The following MEGF6 variants were observed in gnomAD, a reference collection of about 807,000 sequenced individuals.
MEGF6 encodes multiple EGF like domains 6.
A neutral mutation model predicts 207.1 loss-of-function variants in MEGF6; 184 were observed. The observed-to-expected ratio is 0.89, with a 90% CI of 0.79 to 1.00. The LOEUF (loss-of-function observed/expected upper bound fraction) is 1.00. MEGF6 is among the 50% of genes least tolerant of loss of function. The pLI, the probability that MEGF6 is intolerant of heterozygous loss-of-function variation, is 0.00. For missense variants in MEGF6, 2,282 were observed against 2,202.9 expected (o/e 1.04, Z -0.72); for synonymous variants, 1,038 against 910.0 (o/e 1.14, Z -2.53).
intron 5 of MEGF6, among the ~76,000 whole-genome samples, chr1:3,519,704 C>T (rs1041021922): frequency 2.0e-5 from 3 of 152,368 alleles, no homozygotes; most frequent in East Asian, 1.9e-4. Context: ...GGCAGCAAGG[C>T]GGCCAGCCCT....
intron 13 of MEGF6, among the ~76,000 whole-genome samples, chr1:3,508,186 G>A (rs373972231): frequency 6.6e-6 from 1 of 152,136 alleles, no homozygotes; most frequent in Non-Finnish European, 1.5e-5. Context: ...CAGTTATGAC[G>A]GGTCCCTGGC....
intron 7 of MEGF6, among the ~76,000 whole-genome samples, chr1:3,512,917 A>C (rs934036521): frequency 5.9e-5 from 9 of 152,150 alleles, no homozygotes; most frequent in Admixed American, 3.3e-4. Context: ...ACCCCTCCCC[A>C]AGGCTGCTTG....
intron 4 of MEGF6, among the ~76,000 whole-genome samples, chr1:3,548,761 G>A (rs547702764): frequency 3.8e-3 from 581 of 152,290 alleles, no homozygotes; most frequent in Non-Finnish European, 5.7e-3. Flanking sequence ...CTGGAACACA[G>A]CTGGCCATGT....
rs189174963 is a variant in MEGF6 at position 3,488,253 on chromosome 1, C to T, written c.*2275G>A. ...TTTATTTTCCTCTGCTCCTGACCGC[C>T]GTTGGATAGCTGAGATTTCCTCCGG... On this transcript the variant is annotated 3_prime_UTR_variant, in exon 37 of 37. Coordinates refer to ENST00000356575, the MANE Select transcript of MEGF6 (RefSeq NM_001409.4). 1.2e-3 allele frequency among the ~76,000 whole-genome samples: 186 copies of T among 152,300 alleles called. 1 individual carries two copies. The highest frequency in any genetic ancestry group is 3.4e-3 in the Middle Eastern group (1 of 294).
chr1:3,509,334 A>AC, intron 11 of MEGF6, 89 bp from the exon 12 acceptor site: 3 of 1,143,872 alleles, frequency 2.6e-6, no homozygotes, highest in South Asian at 2.0e-5. Context: ...CCTAAGCCCC[A>AC]CCCCAGGGAA....
At chr1:3,501,333 C>A in intron 18 of MEGF6, 25 bp from the exon 19 acceptor site, 1 of 1,580,970 alleles carries the variant, frequency 6.3e-7, no homozygotes, top group South Asian at 1.1e-5. Flanking sequence ...CATGGCCAGT[C>A]AGTGCCCAAG....
intron 20 of MEGF6, 46 bp from the exon 21 acceptor site, chr1:3,500,810 C>T (rs1640827352): frequency 6.3e-7 from 1 of 1,595,536 alleles, no homozygotes; most frequent in Non-Finnish European, 8.5e-7. Context: ...AAGCGCGGGC[C>T]ACGGGCACCA....
intron 4 of MEGF6, among the ~76,000 whole-genome samples, chr1:3,561,319 C>T (rs1404854936): frequency 6.6e-6 from 1 of 152,188 alleles, no homozygotes; most frequent in Non-Finnish European, 1.5e-5. Flanking sequence ...TGGAGAGGGA[C>T]TCAGGCATCT....
chr1:3,620,491 ACT>A, the MEGF6 span, among the ~76,000 whole-genome samples: 1 of 152,080 alleles, frequency 6.6e-6, no homozygotes, highest in Admixed American at 6.5e-5. Flanking sequence ...ACTTCGGGAG[ACT>A]CTGCCTAGAT....
chr1:3,500,610 C>T, intron 21 of MEGF6, 23 bp downstream of exon 21: 19 of 1,541,466 alleles, frequency 1.2e-5, no homozygotes, highest in Non-Finnish European at 1.6e-5. Flanking sequence ...AGGGTGGCAG[C>T]CAAAGGCAGG....
rs531055479 is a variant in MEGF6, at chr1:3,565,843, G to C, written c.481+13982C>G. ...CTGCTCCAGCCACGCTCGGCATTCCGTCCAGGGCAGGCACTGTGGACCCTG... is the reference window on the plus strand; with the variant it reads ...CTGCTCCAGCCACGCTCGGCATTCCCTCCAGGGCAGGCACTGTGGACCCTG... On this transcript the variant is annotated intron_variant, in intron 4 of 36. Coordinates refer to ENST00000356575, the MANE Select transcript of MEGF6 (RefSeq NM_001409.4). The surrounding 1 kb of genome is among the most constrained non-coding windows in gnomAD (Gnocchi z 4.8). Among the ~76,000 whole-genome samples, 1 of 152,146 alleles carries C rather than the reference G, an allele frequency of 6.6e-6. No individual in the cohort carries two copies. Among genetic ancestry groups the C allele is most frequent in the Non-Finnish European group, 1.5e-5 (1 of 68,012 alleles).
chr1:3,542,615 G>C (rs911932311), intron 4 of MEGF6, among the ~76,000 whole-genome samples: 1 of 152,234 alleles, frequency 6.6e-6, no homozygotes, highest in East Asian at 1.9e-4. Context: ...CTCTCTGTCC[G>C]GGGTTTCTCT....
rs1640708009 is a variant in MEGF6, at chr1:3,498,471, G to A, written c.3252C>T (p.Gly1084=). 2 of 1,583,388 alleles carry A rather than the reference G, an allele frequency of 1.3e-6. No individual in the cohort carries two copies. Among genetic ancestry groups the A allele is most frequent in the South Asian group, 1.1e-5 (1 of 87,982 alleles). ...TGAGGCAACCGCCGCTGTGCCGGCA[G>A]CCAGCTCTGACGTCCCGGGGGAGGC... is the stretch of plus-strand genomic sequence containing the variant. ...KECLPRDVRA[G]CRHSGGCLNG... Residue 1084 remains glycine, a synonymous_variant, in exon 26 of 37, where the codon GGC becomes GGT. Transcript: ENST00000356575.
chr1:3,511,446 A>C, intron 9 of MEGF6, 104 bp downstream of exon 9: 1 of 1,353,754 alleles, frequency 7.4e-7, no homozygotes, highest in South Asian at 1.5e-5. Context: ...ACTCAGGGAG[A>C]CTGACGAGGA....
At chr1:3,501,601 C>G (rs1640870061) in intron 18 of MEGF6, among the ~76,000 whole-genome samples, 195 bp downstream of exon 18, 1 of 152,100 alleles carries the variant, frequency 6.6e-6, no homozygotes, top group African/African-American at 2.4e-5. Flanking sequence ...GAGAGGGCAG[C>G]CTGGAAGCCC....
chr1:3,493,678 C>T lies in MEGF6; in HGVS notation c.4387+93G>A, dbSNP rs1220617706. 7 of 1,520,482 alleles carry T rather than the reference C, an allele frequency of 4.6e-6. No individual in the cohort carries two copies. In the South Asian group the frequency reaches 7.6e-5, roughly 17 times the overall value. The allele number at this position is 1,520,482 out of a possible 1,614,324, so 94.2% of individuals were successfully genotyped here. On this transcript the variant is annotated intron_variant, in intron 34 of 36. Coordinates refer to ENST00000356575, the MANE Select transcript of MEGF6 (RefSeq NM_001409.4). ...GCAACAAGAGGGGTTGGTGGCCAGC[C>T]CAGGACTGGCACAGGTAGGGCCCAA...
At position 3,497,315 on chromosome 1, in the gene MEGF6, G is replaced by A; in HGVS notation, c.3399C>T (p.Ser1133=). ...WFGEACAQRC[S]CPPGAACHHV... The stretch of plus-strand genomic sequence containing the variant: ...GGTGGCAGGCAGCGCCAGGCGGGCA[G>A]CTGCAGCGCTGGGCACAGGCCTCTC... Residue 1133 remains serine, a synonymous_variant, in exon 27 of 37, where the codon AGC becomes AGT. Coordinates refer to ENST00000356575, the MANE Select transcript of MEGF6 (RefSeq NM_001409.4). The A allele has an allele frequency of 6.4e-7, 1 of 1,551,818 alleles. No individual in the cohort carries two copies. The highest frequency in any genetic ancestry group is 1.4e-5 in the African/African-American group (1 of 72,364).
intron 4 of MEGF6, among the ~76,000 whole-genome samples, chr1:3,542,466 C>G (rs1208094375): frequency 6.6e-6 from 1 of 152,062 alleles, no homozygotes; most frequent in Non-Finnish European, 1.5e-5. Context: ...GATGTAGGGT[C>G]CTGGCCGCCC....
At chr1:3,507,951 G>T in intron 13 of MEGF6, 28 bp from the exon 14 acceptor site, 1 of 1,602,288 alleles carries the variant, frequency 6.2e-7, no homozygotes, top group Non-Finnish European at 8.5e-7. Context: ...GAAGCGTCAG[G>T]GTCACCAGCC....
Sources: allele counts gnomAD v4.1 joint callset (sites outside exome capture counted in the v4.1 genomes callset), GRCh38; gene constraint gnomAD v4.1.1; non-coding constraint Gnocchi (gnomAD v3.1); transcripts MANE v1.5; gene names NCBI Gene and HGNC (gene_info 2026-07-23, HGNC 2026-07-21).